The following HSPH1 variants were observed in gnomAD, a reference collection of about 807,000 sequenced individuals.
HSPH1 encodes heat shock protein 105 kDa.
Under a neutral mutation model 100.0 loss-of-function variants are expected in HSPH1, and 40 were observed. That is an observed-to-expected ratio of 0.40 (90% confidence interval 0.31 to 0.52). HSPH1 has a LOEUF of 0.52. Ranked by LOEUF, HSPH1 falls within the 20% of genes least tolerant of loss-of-function variation. HSPH1 has a pLI of 0.54. For missense variants in HSPH1, 876 were observed against 1,015.1 expected (o/e 0.86, Z 1.86); for synonymous variants, 403 against 344.0 (o/e 1.17, Z -1.90).
At chr13:31,147,345 C>G (rs549610497) in intron 10 of HSPH1, among the ~76,000 whole-genome samples, 1 of 152,212 alleles carries the variant, frequency 6.6e-6, no homozygotes, top group African/African-American at 2.4e-5. Flanking sequence ...TGGACTCCTT[C>G]AAACAATTTA....
At chr13:31,158,934 A>G in intron 1 of HSPH1, 71 bp from the exon 2 acceptor site, 2 of 944,712 alleles carry the variant, frequency 2.1e-6, no homozygotes, top group Non-Finnish European at 3.5e-6. Context: ...AGAGAAAAAT[A>G]CTAACATAAA....
Position 31,138,854 on chromosome 13 carries a change from C to T in HSPH1, c.2135G>A (p.Arg712Gln), listed in dbSNP as rs370123896. ...VKVRFQEAEE[R>Q]PKMFEELGQR... Reference sequence around the variant, plus strand: ...TCCTAGTTCTTCAAACATTTTTGGCCGTTCTTCAGCTTCCTGAAACCGAAC... The same window carrying T: ...TCCTAGTTCTTCAAACATTTTTGGCTGTTCTTCAGCTTCCTGAAACCGAAC... The change falls in exon 16 of 18, where the codon CGG (arginine) becomes CAG (glutamine). Residue 712 changes from arginine to glutamine, a missense_variant. Transcript: ENST00000320027. 4.3e-6 allele frequency: 7 copies of T among 1,610,056 alleles called. No homozygotes were observed. The highest frequency in any genetic ancestry group is 2.2e-5 in the South Asian group (2 of 89,892).
intron 14 of HSPH1, among the ~76,000 whole-genome samples, chr13:31,139,855 C>T (rs1360875115): frequency 6.6e-6 from 1 of 151,924 alleles, no homozygotes; most frequent in African/African-American, 2.4e-5. Context: ...AGGAACGCTA[C>T]CAAGGCAGCA....
rs779137692 is a variant in HSPH1 at position 31,151,143 on chromosome 13, C to T, written c.712G>A (p.Glu238Lys). The change falls in exon 7 of 18, where the codon GAA becomes AAA. Residue 238 changes from glutamate (E) to lysine (K), a missense_variant. Glu to Lys is a moderately conservative substitution (Grantham distance 56). Transcript: ENST00000320027. ...GCACAAAAATGTTCCACTAACTTTT[C>T]ATCGAAGTTTTTTCCTCCTAAGAAA... ...DPFLGGKNFD[E>K]KLVEHFCAEF... 8.7e-6 allele frequency: 14 copies of T among 1,613,378 alleles called. No homozygotes were observed. The highest frequency in any genetic ancestry group is 1.3e-5 in the African/African-American group (1 of 75,000).
At chr13:31,156,347 GTCACTGC>G (rs1326455399) in intron 2 of HSPH1, among the ~76,000 whole-genome samples, 3 of 151,972 alleles carry the variant, frequency 2.0e-5, no homozygotes, top group African/African-American at 7.3e-5. Flanking sequence ...CCAAGATCGT[GTCACTGC>G]ACTCCAGCCT....
intron 8 of HSPH1, among the ~76,000 whole-genome samples, chr13:31,149,183 C>T (rs1956385829): frequency 1.3e-5 from 2 of 151,892 alleles, no homozygotes; most frequent in African/African-American, 4.8e-5. Context: ...AAAGCAAAAA[C>T]AAAAACCCCA....
rs755766705 is a variant in HSPH1 at position 31,138,560 on chromosome 13, T to C, written c.2217A>G (p.Lys739=). The C allele has an allele frequency of 6.2e-7, 1 of 1,606,008 alleles. No individual in the cohort carries two copies. The highest frequency in any genetic ancestry group is 1.1e-5 in the South Asian group (1 of 89,948). ...IAADFRNKDE[K]YNHIDESEMK... ...TTTCAGACTCATCAATATGGTTGTA[T>C]TTCTCATCCTGAACAAAAATAACAC... The change falls in exon 17 of 18, where the codon AAA becomes AAG. Residue 739 remains lysine, a synonymous_variant. Transcript: ENST00000320027.
Position 31,136,133 on chromosome 13 carries a change from A to T in HSPH1, c.*1185T>A, listed in dbSNP as rs1955877116. 6.6e-6 allele frequency: 1 copy of T among 152,252 alleles called. No homozygotes were observed. The highest frequency in any genetic ancestry group is 2.1e-4 in the South Asian group (1 of 4,836). The allele number at this position is 152,252 out of a possible 1,614,324, so 9.4% of individuals were successfully genotyped here. On this transcript the variant is annotated 3_prime_UTR_variant, in exon 18 of 18. Coordinates refer to ENST00000320027, the MANE Select transcript of HSPH1 (RefSeq NM_006644.4). ...TCAATTTTGTGCTTACAAAACAACC[A>T]GATAGATTCATTGCAGCATTATTTA... is the stretch of plus-strand genomic sequence containing the variant.
At chr13:31,158,683 A>G (rs527358624) in intron 2 of HSPH1, 123 bp downstream of exon 2, 1 of 634,172 alleles carries the variant, frequency 1.6e-6, no homozygotes, top group Admixed American at 2.6e-5. Flanking sequence ...TACTTGAATT[A>G]CATTTTTAAA....
Position 31,141,121 on chromosome 13 carries a change from C to T in HSPH1, c.1854+1G>A. The T allele has an allele frequency of 6.4e-7, 1 of 1,571,204 alleles. No individual in the cohort carries two copies. The highest frequency in any genetic ancestry group is 8.6e-7 in the Non-Finnish European group (1 of 1,156,292). ...TAAAAATATTTAATTGAAGTACTTA[C>T]CTCTGTCTCAATATACATGTTAAGA... On this transcript the variant is annotated splice_donor_variant, in intron 13 of 17. Coordinates refer to ENST00000320027, the MANE Select transcript of HSPH1 (RefSeq NM_006644.4). LOFTEE classifies it high-confidence loss of function.
intron 4 of HSPH1, among the ~76,000 whole-genome samples, 185 bp from the exon 5 acceptor site, chr13:31,153,136 A>C (rs1956548476): frequency 6.6e-6 from 1 of 152,182 alleles, no homozygotes; most frequent in South Asian, 2.1e-4. Flanking sequence ...ACTTTTGAAA[A>C]GGCTGTCCCA....
Position 31,137,167 on chromosome 13 carries a change from A to G in HSPH1, c.*151T>C, listed in dbSNP as rs753042859. ...CCTTTTAGGATCATAAAGACTACAG[A>G]CTTAAGCTTTTTTTCTTTTTCCATA... On this transcript the variant is annotated 3_prime_UTR_variant, in exon 18 of 18. Coordinates refer to ENST00000320027, the MANE Select transcript of HSPH1 (RefSeq NM_006644.4). 9 of 727,578 alleles carry G rather than the reference A, an allele frequency of 1.2e-5. No homozygotes were observed. The highest frequency in any genetic ancestry group is 2.2e-5 in the Non-Finnish European group (9 of 405,134). The allele number at this position is 727,578 out of a possible 1,614,324, so 45.1% of individuals were successfully genotyped here. A position where few individuals can be genotyped will look rare whatever the true frequency, so the allele number is the denominator to read the frequency against.
chr13:31,138,641 G>A, intron 16 of HSPH1, 73 bp from the exon 17 acceptor site: 1 of 1,523,770 alleles, frequency 6.6e-7, no homozygotes, highest in East Asian at 2.3e-5. Flanking sequence ...AACTTTCCAG[G>A]AAGCTCAAGT....
chr13:31,161,361 G>A (rs1487706316), intron 1 of HSPH1, 115 bp downstream of exon 1: 32 of 1,490,662 alleles, frequency 2.1e-5, no homozygotes, highest in Non-Finnish European at 2.7e-5. Flanking sequence ...GGGGTGCGCC[G>A]CTGCCCAAAC....
rs547159228 is a variant in HSPH1 at position 31,154,560 on chromosome 13, A to T, written c.429+73T>A. 19 of 1,552,162 alleles carry T rather than the reference A, an allele frequency of 1.2e-5. No homozygotes were observed. In the African/African-American group the frequency reaches 2.0e-4, roughly 17 times the overall value. ...AGTAACTAAAGAACAGCTTTCCCACATTTCATACTTAAAAGTAATACAAAG... is the reference window on the plus strand; with the variant it reads ...AGTAACTAAAGAACAGCTTTCCCACTTTTCATACTTAAAAGTAATACAAAG... On this transcript the variant is annotated intron_variant, in intron 4 of 17. Coordinates refer to ENST00000320027, the MANE Select transcript of HSPH1 (RefSeq NM_006644.4).
chr13:31,150,741 G>GTACTTA (rs1278761445), intron 7 of HSPH1, among the ~76,000 whole-genome samples: 1 of 152,166 alleles, frequency 6.6e-6, no homozygotes, highest in Admixed American at 6.6e-5. Flanking sequence ...ACCCATGAGA[G>GTACTTA]TACTTAGCAA....
intron 1 of HSPH1, among the ~76,000 whole-genome samples, chr13:31,160,868 G>A (rs899584010): frequency 5.9e-5 from 9 of 152,210 alleles, no homozygotes; most frequent in Non-Finnish European, 1.3e-4. Flanking sequence ...TGGGTAAAAA[G>A]AGGTGGGCTA....
Position 31,154,663 on chromosome 13 carries a change from G to A in HSPH1, c.399C>T (p.Leu133=). ...TAACACAATCTGTTACTGGTTTCTT[G>A]AGGCTGTTTTCAGCAGTTTCCTTCA... ...TKLKETAENS[L]KKPVTDCVIS... is the part of the protein sequence containing the mutation. Residue 133 remains leucine (L), a synonymous_variant, in exon 4 of 18, where the codon CTC becomes CTT. Coordinates refer to ENST00000320027, the MANE Select transcript of HSPH1 (RefSeq NM_006644.4). 6.2e-7 allele frequency: 1 copy of A among 1,614,074 alleles called. No individual in the cohort carries two copies.
chr13:31,137,365 C>A lies in HSPH1; in HGVS notation c.2530G>T (p.Glu844Ter), dbSNP rs1194945491. The change falls in exon 18 of 18, where the codon GAA becomes TAA. Residue 844 changes from glutamate (E) to a stop codon, truncating the protein, a stop_gained. Coordinates refer to ENST00000320027, the MANE Select transcript of HSPH1 (RefSeq NM_006644.4). LOFTEE classifies it high-confidence loss of function. ...FGAEPPHQNG[E>*]CYPNEKNSVN... is the part of the protein sequence containing the mutation. Reference sequence around the variant, plus strand: ...GAATTTTTCTCATTAGGGTAACATTCACCATTCTGATGTGGAGGTTCAGCA... The same window carrying A: ...GAATTTTTCTCATTAGGGTAACATTAACCATTCTGATGTGGAGGTTCAGCA... 6.2e-7 allele frequency: 1 copy of A among 1,613,224 alleles called. No individual in the cohort carries two copies. The highest frequency in any genetic ancestry group is 1.3e-5 in the African/African-American group (1 of 74,980).
Sources: allele counts gnomAD v4.1 joint callset (sites outside exome capture counted in the v4.1 genomes callset), GRCh38; gene constraint gnomAD v4.1.1; transcripts MANE v1.5; gene names NCBI Gene and HGNC (gene_info 2026-07-23, HGNC 2026-07-21).